Variants in ZNF475 observed in about 807,000 individuals in gnomAD.
ZNF475 encodes zinc finger protein 475.
the ZNF475 span, among the ~76,000 whole-genome samples, chr5:122,166,087 C>A: frequency 1.5e-4 from 23 of 152,156 alleles, no homozygotes; most frequent in African/African-American, 5.3e-4. Context: ...AAGTTCTCAG[C>A]TCTCTCTTTT....
chr5:122,177,674 T>C, the ZNF475 span, among the ~76,000 whole-genome samples: 1 of 152,162 alleles, frequency 6.6e-6, no homozygotes, highest in Non-Finnish European at 1.5e-5. Context: ...ATGTTGATTT[T>C]CCAGCTAACT....
chr5:122,174,312 A>C, the ZNF475 span, among the ~76,000 whole-genome samples: 366 of 152,306 alleles, frequency 2.4e-3, 3 homozygotes, highest in African/African-American at 8.5e-3. Flanking sequence ...CAATAACCAC[A>C]AGTTGGAGAT....
chr5:122,173,651 G>A, the ZNF475 span, among the ~76,000 whole-genome samples: 23 of 152,230 alleles, frequency 1.5e-4, no homozygotes, highest in East Asian at 4.4e-3. Context: ...TCCAAATAGT[G>A]GCCAGCAAAA....
chr5:122,179,570 AC>A, the ZNF475 span: 1 of 1,519,456 alleles, frequency 6.6e-7, no homozygotes, highest in South Asian at 1.2e-5. Context: ...TACGGCGTCC[AC>A]CAGCAGTTGT....
chr5:122,181,944 G>C, the ZNF475 span, among the ~76,000 whole-genome samples: 2 of 152,110 alleles, frequency 1.3e-5, no homozygotes, highest in Non-Finnish European at 2.9e-5. Flanking sequence ...AAGAATATCT[G>C]AGTTTATGAC....
At chr5:122,175,534 A>G in the ZNF475 span, among the ~76,000 whole-genome samples, 13 of 152,340 alleles carry the variant, frequency 8.5e-5, no homozygotes, top group Admixed American at 4.6e-4. Context: ...AATCATTACT[A>G]CATTCCCCAG....
the ZNF475 span, among the ~76,000 whole-genome samples, chr5:122,174,328 A>G: frequency 6.6e-6 from 1 of 152,364 alleles, no homozygotes; most frequent in African/African-American, 2.4e-5. Context: ...GAGATTGCTC[A>G]GCTTTCCCTG....
chr5:122,169,497 T>C, the ZNF475 span, among the ~76,000 whole-genome samples: 1 of 152,318 alleles, frequency 6.6e-6, no homozygotes, highest in East Asian at 1.9e-4. Context: ...CTGTGGCCTC[T>C]AGCATGGGGA....
the ZNF475 span, among the ~76,000 whole-genome samples, chr5:122,177,903 G>T: frequency 2.0e-5 from 3 of 151,348 alleles, no homozygotes; most frequent in Admixed American, 6.6e-5. Flanking sequence ...CTAGCCCACC[G>T]CCCCCAACAG....
chr5:122,172,982 A>G, the ZNF475 span, among the ~76,000 whole-genome samples: 4 of 152,076 alleles, frequency 2.6e-5, no homozygotes, highest in Non-Finnish European at 5.9e-5. Flanking sequence ...GCAGTGAGCC[A>G]AGATCGCGCC....
chr5:122,178,950 A>C, the ZNF475 span, among the ~76,000 whole-genome samples: 1 of 152,190 alleles, frequency 6.6e-6, no homozygotes, highest in Non-Finnish European at 1.5e-5. Flanking sequence ...AGTTTTTTGC[A>C]TATGGCTAGC....
chr5:122,168,631 T>C, the ZNF475 span, among the ~76,000 whole-genome samples: 59 of 152,196 alleles, frequency 3.9e-4, no homozygotes, highest in African/African-American at 1.4e-3. Flanking sequence ...GAGAATGGCG[T>C]GAACCCAGGA....
the ZNF475 span, among the ~76,000 whole-genome samples, chr5:122,173,449 A>G: frequency 2.6e-5 from 4 of 152,164 alleles, no homozygotes; most frequent in African/African-American, 9.7e-5. Context: ...TATTATGACT[A>G]TTTATTTCAA....
chr5:122,180,149 T>C, the ZNF475 span: 3 of 152,708 alleles, frequency 2.0e-5, no homozygotes, highest in African/African-American at 7.2e-5. Flanking sequence ...TTGGTGTTCA[T>C]AGAGCAGGGA....
the ZNF475 span, among the ~76,000 whole-genome samples, chr5:122,167,443 ACTT>A: frequency 5.6e-3 from 847 of 152,252 alleles, 11 homozygotes; most frequent in African/African-American, 0.019. Flanking sequence ...AACTAGGAAA[ACTT>A]CTTGGGAGAT....
the ZNF475 span, among the ~76,000 whole-genome samples, chr5:122,175,032 A>C: frequency 6.6e-6 from 1 of 152,226 alleles, no homozygotes; most frequent in Non-Finnish European, 1.5e-5. Context: ...AAGAAAAAGA[A>C]GGATAAATAA....
At chr5:122,168,101 A>G in the ZNF475 span, among the ~76,000 whole-genome samples, 13,049 of 152,012 alleles carry the variant, frequency 0.086, 665 homozygotes, top group South Asian at 0.12. Context: ...CTGGAGTGCA[A>G]TGGTGCCATC....
the ZNF475 span, among the ~76,000 whole-genome samples, chr5:122,168,811 C>G: frequency 7.2e-5 from 11 of 152,202 alleles, no homozygotes; most frequent in Admixed American, 7.2e-4. Flanking sequence ...GGACTCAACA[C>G]AATCCCCAAA....
the ZNF475 span, among the ~76,000 whole-genome samples, chr5:122,165,746 G>A: frequency 6.2e-5 from 9 of 145,930 alleles, no homozygotes; most frequent in Admixed American, 3.4e-4. Flanking sequence ...TTTGATGTAC[G>A]GATGATGCAA....
Sources: allele counts gnomAD v4.1 joint callset (sites outside exome capture counted in the v4.1 genomes callset), GRCh38; gene constraint gnomAD v4.1.1; transcripts MANE v1.5; gene names NCBI Gene and HGNC (gene_info 2026-07-23, HGNC 2026-07-21).